Variants in HMGN3 observed in about 807,000 individuals in gnomAD.
HMGN3 encodes high mobility group nucleosomal binding domain 3.
A neutral mutation model predicts 18.8 loss-of-function variants in HMGN3; 6 were observed. That is an observed-to-expected ratio of 0.32 (90% confidence interval 0.18 to 0.63). HMGN3 has a LOEUF of 0.63. HMGN3 is among the 30% of genes least tolerant of loss of function. The pLI is 0.79. For missense variants in HMGN3, 107 were observed against 114.2 expected (o/e 0.94, Z 0.29); for synonymous variants, 40 against 36.5 (o/e 1.10, Z -0.35).
rs770251847 is a variant in HMGN3, at chr6:79,216,763, TCCTAGGTGGA to T, written c.16-1751_16-1742del. Among the ~76,000 whole-genome samples, 5 of 152,314 alleles carry T rather than the reference TCCTAGGTGGA, an allele frequency of 3.3e-5. No individual in the cohort carries two copies. In the South Asian group the frequency reaches 1.0e-3, roughly 32 times the overall value. ...CTTAGTCTGAGCATATGAAGATAAT[TCCTAGGTGGA>T]CCACTGGTCTTTGCTCACTTCCATG... On this transcript the variant is annotated intron_variant, in intron 1 of 5. Transcript: ENST00000344726.
chr6:79,215,977 T>A (rs1776963066), intron 1 of HMGN3, among the ~76,000 whole-genome samples: 1 of 152,218 alleles, frequency 6.6e-6, no homozygotes, highest in South Asian at 2.1e-4. Context: ...AACTGACATT[T>A]GACACGATGT....
intron 1 of HMGN3, among the ~76,000 whole-genome samples, chr6:79,218,056 C>T (rs183357445): frequency 5.4e-4 from 82 of 152,330 alleles, no homozygotes; most frequent in Admixed American, 1.9e-3. Flanking sequence ...AGGTCTCATG[C>T]ACGTATCCAC....
intron 2 of HMGN3, among the ~76,000 whole-genome samples, chr6:79,210,026 G>A (rs967273310): frequency 5.3e-5 from 8 of 152,162 alleles, no homozygotes; most frequent in African/African-American, 1.4e-4. Context: ...ATAGCCCTGT[G>A]AATTAGTACA....
rs894264248 is a variant in HMGN3, at chr6:79,204,783, A to C, written c.97-1153T>G. Among the ~76,000 whole-genome samples, 8 of 152,220 alleles carry C rather than the reference A, an allele frequency of 5.3e-5. No homozygotes were observed. In the East Asian group the frequency reaches 1.3e-3, roughly 26 times the overall value. On this transcript the variant is annotated intron_variant, in intron 3 of 5. Coordinates refer to ENST00000344726, the Ensembl canonical transcript of HMGN3. ...GAAATGACCTTTCAAATAAAAAAAG[A>C]AAATCGAGCTTGAAAAGTTAAGAAA...
At chr6:79,219,778 T>C (rs547728287) in intron 1 of HMGN3, among the ~76,000 whole-genome samples, 3 of 152,330 alleles carry the variant, frequency 2.0e-5, no homozygotes, top group South Asian at 4.1e-4. Context: ...TTTCACAGAC[T>C]TTTTTGTACT....
intron 5 of HMGN3, chr6:79,202,102 G>A (rs1276515405): frequency 6.5e-7 from 1 of 1,540,466 alleles, no homozygotes; most frequent in East Asian, 2.4e-5. Context: ...ACAGTGTGCT[G>A]GGTGGGGTGC....
intron 1 of HMGN3, among the ~76,000 whole-genome samples, chr6:79,222,071 T>TA (rs979495516): frequency 6.6e-6 from 1 of 152,134 alleles, no homozygotes; most frequent in African/African-American, 2.4e-5. Context: ...GAAACTCAAA[T>TA]AACCATTTGC....
chr6:79,234,582 A>C, exon 1 of HMGN3: 1 of 1,612,116 alleles, frequency 6.2e-7, no homozygotes, highest in Non-Finnish European at 8.5e-7. Flanking sequence ...CGGTGAAGCA[A>C]AAAGTAAAGC....
chr6:79,216,682 A>G (rs1190749790), intron 1 of HMGN3, among the ~76,000 whole-genome samples: 2 of 152,212 alleles, frequency 1.3e-5, no homozygotes, highest in Non-Finnish European at 2.9e-5. Context: ...TTGCACAGGA[A>G]TATTTCGTTT....
intron 3 of HMGN3, among the ~76,000 whole-genome samples, chr6:79,206,501 G>A (rs1051601104): frequency 5.9e-5 from 9 of 152,202 alleles, no homozygotes; most frequent in Non-Finnish European, 5.9e-5. Context: ...TTGAGCCTGC[G>A]AGTGTGCAGA....
At chr6:79,214,444 G>A (rs12110892) in intron 2 of HMGN3, among the ~76,000 whole-genome samples, 4,696 of 152,030 alleles carry the variant, frequency 0.031, 246 homozygotes, top group African/African-American at 0.11. Flanking sequence ...CTCGTGATCC[G>A]CCCGCCTCGG....
chr6:79,232,158 T>C (rs1777871839), intron 1 of HMGN3, among the ~76,000 whole-genome samples: 1 of 152,242 alleles, frequency 6.6e-6, no homozygotes, highest in Non-Finnish European at 1.5e-5. Context: ...TTGTGTAGTA[T>C]GTAAATGCTT....
chr6:79,223,887 C>A (rs144584386), intron 1 of HMGN3, among the ~76,000 whole-genome samples: 1 of 152,166 alleles, frequency 6.6e-6, no homozygotes, highest in Non-Finnish European at 1.5e-5. Flanking sequence ...TAAGATGGAC[C>A]TTAAGATCTC....
chr6:79,201,803 C>A, intron 5 of HMGN3, 77 bp from the exon 7 acceptor site: 1 of 1,560,896 alleles, frequency 6.4e-7, no homozygotes, highest in Non-Finnish European at 8.6e-7. Flanking sequence ...CACCCACCAA[C>A]ACACACAGTT....
At position 79,231,093 on chromosome 6, in the gene HMGN3, TGC is replaced by T. The variant is rs1777816654; in HGVS notation, c.15+3451_15+3452del. Among the ~76,000 whole-genome samples, 3 of 152,336 alleles carry T rather than the reference TGC, an allele frequency of 2.0e-5. No homozygotes were observed. In the South Asian group the frequency reaches 6.2e-4, roughly 32 times the overall value. On this transcript the variant is annotated intron_variant, in intron 1 of 5. Transcript: ENST00000344726. ...CTTACATGCCACATTCATGGAAAATTGCCTCATTAGAGAATTTCTGATGTGAT... is the reference window on the plus strand; with the variant it reads ...CTTACATGCCACATTCATGGAAAATTCTCATTAGAGAATTTCTGATGTGAT...
chr6:79,226,555 ATAAT>A (rs1777577466), intron 1 of HMGN3, among the ~76,000 whole-genome samples: 1 of 152,216 alleles, frequency 6.6e-6, no homozygotes, highest in Admixed American at 6.5e-5. Context: ...TTTATTTCTA[ATAAT>A]TTCACATTTT....
intron 1 of HMGN3, among the ~76,000 whole-genome samples, chr6:79,226,443 C>T (rs747227576): frequency 6.6e-6 from 1 of 152,078 alleles, no homozygotes; most frequent in Non-Finnish European, 1.5e-5. Context: ...CAGTCTGACT[C>T]ATAGAAAGAG....
rs566358072 is a variant in HMGN3 at position 79,202,512 on chromosome 6, T to C, written c.148-123A>G. The C allele has an allele frequency of 1.6e-5, 13 of 793,556 alleles. No individual in the cohort carries two copies. In the African/African-American group the frequency reaches 2.0e-4, roughly 12 times the overall value. 49.2% of individuals were successfully genotyped at this position (793,556 alleles called of 1,614,324 possible). On this transcript the variant is annotated intron_variant, in intron 4 of 5. Transcript: ENST00000344726. ...ACCGTTACCATCATGGTGGCCTTTATGGAGACACGGGAGCCTAATTTTGCT... is the reference window on the plus strand; with the variant it reads ...ACCGTTACCATCATGGTGGCCTTTACGGAGACACGGGAGCCTAATTTTGCT...
chr6:79,210,896 A>G (rs1481714078), intron 2 of HMGN3, among the ~76,000 whole-genome samples: 1 of 151,774 alleles, frequency 6.6e-6, no homozygotes, highest in Non-Finnish European at 1.5e-5. Context: ...AGACATTCCA[A>G]TCTAAGCACT....
Sources: gnomAD v4.1 joint callset for allele counts (sites outside exome capture counted in the v4.1 genomes callset) on GRCh38, gnomAD v4.1.1 for gene constraint, MANE v1.5 for transcripts, NCBI Gene and HGNC (gene_info 2026-07-23, HGNC 2026-07-21) for gene names.